The following VPS13A variants were observed in gnomAD, a reference collection of about 807,000 sequenced individuals.
VPS13A encodes intermembrane lipid transfer protein VPS13A.
In VPS13A, 264 loss-of-function variants were observed where a neutral mutation model predicts 390.9. The observed-to-expected ratio is 0.68, with a 90% CI of 0.61 to 0.75. VPS13A has a LOEUF of 0.75. Ranked by LOEUF, VPS13A falls within the 30% of genes least tolerant of loss-of-function variation. The pLI is 0.00. For missense variants in VPS13A, 3,409 were observed against 3,733.9 expected, an observed-to-expected ratio of 0.91 and a Z score of 2.27; for synonymous variants, 1,231 against 1,227.1, an observed-to-expected ratio of 1.00 and a Z score of -0.07.
chr9:77,392,095 T>A (rs1370369284), intron 68 of VPS13A, among the ~76,000 whole-genome samples: 1 of 152,232 alleles, frequency 6.6e-6, no homozygotes, highest in Non-Finnish European at 1.5e-5. Flanking sequence ...CTCTCATTCC[T>A]GTTTGTTGTT....
chr9:77,344,726 T>A lies in VPS13A; in HGVS notation c.7156-283T>A, dbSNP rs567557419. On this transcript the variant is annotated intron_variant, in intron 51 of 71. Coordinates refer to ENST00000360280, the MANE Select transcript of VPS13A (RefSeq NM_033305.3). ...GTGAGCCGAGATCGCGCCACTGCAC[T>A]CCAGCCTAGGCGACAGAGCAAGACT... is the stretch of plus-strand genomic sequence containing the variant. Among the ~76,000 whole-genome samples, 12 of 150,662 alleles carry A rather than the reference T, an allele frequency of 8.0e-5. No individual in the cohort carries two copies. In the East Asian group the frequency reaches 2.3e-3, roughly 29 times the overall value.
intron 52 of VPS13A, 72 bp downstream of exon 52, chr9:77,345,214 A>C (rs1831083871): frequency 2.0e-6 from 3 of 1,503,578 alleles, no homozygotes; most frequent in Non-Finnish European, 2.8e-6. Context: ...TTTTTTGATA[A>C]TTTCTTAAGA....
chr9:77,321,028 G>T (rs1303184584), intron 42 of VPS13A, 141 bp from the exon 43 acceptor site: 2 of 742,526 alleles, frequency 2.7e-6, no homozygotes, highest in East Asian at 5.5e-5. Flanking sequence ...TGATGTCCAA[G>T]TAATTTCAAT....
chr9:77,387,463 C>G (rs948051996), intron 68 of VPS13A, among the ~76,000 whole-genome samples: 8 of 152,188 alleles, frequency 5.3e-5, no homozygotes, highest in Non-Finnish European at 8.8e-5. Flanking sequence ...AAGGAAGGTT[C>G]ACTTCCCTGA....
chr9:77,307,420 C>G (rs1828820243), intron 34 of VPS13A, among the ~76,000 whole-genome samples: 1 of 152,138 alleles, frequency 6.6e-6, no homozygotes, highest in Non-Finnish European at 1.5e-5. Context: ...CACTGCATGC[C>G]AGCCTGGGTG....
intron 33 of VPS13A, among the ~76,000 whole-genome samples, chr9:77,296,700 A>T (rs1367526344): frequency 2.0e-5 from 3 of 152,148 alleles, no homozygotes; most frequent in Admixed American, 6.5e-5. Context: ...ATAAGTTTTG[A>T]TATGCATACA....
intron 63 of VPS13A, among the ~76,000 whole-genome samples, chr9:77,369,908 T>G (rs573877376): frequency 1.3e-5 from 2 of 152,206 alleles, no homozygotes; most frequent in Non-Finnish European, 2.9e-5. Flanking sequence ...GCATTAAGAA[T>G]TTTAAAGTGT....
At chr9:77,376,271 C>T (rs1364001258) in intron 67 of VPS13A, among the ~76,000 whole-genome samples, 1 of 152,154 alleles carries the variant, frequency 6.6e-6, no homozygotes, top group East Asian at 1.9e-4. Context: ...CGGGGAATCA[C>T]ATCTCGTAGA....
Position 77,226,389 on chromosome 9 carries a change from G to A in VPS13A, c.1225-77G>A, listed in dbSNP as rs142493952. ...TTTTGCTCAAGAGGATAAGTTCTCAGAATGTCTTGCTTATATTTGTTTCAG... is the reference window on the plus strand; with the variant it reads ...TTTTGCTCAAGAGGATAAGTTCTCAAAATGTCTTGCTTATATTTGTTTCAG... On this transcript the variant is annotated intron_variant, in intron 14 of 71. Coordinates refer to ENST00000360280, the MANE Select transcript of VPS13A (RefSeq NM_033305.3). The A allele has an allele frequency of 1.2e-4, 167 of 1,361,572 alleles. No homozygotes were observed. In the African/African-American group the frequency reaches 1.8e-3, roughly 15 times the overall value. The allele number at this position is 1,361,572 out of a possible 1,614,324, so 84.3% of individuals were successfully genotyped here.
intron 68 of VPS13A, among the ~76,000 whole-genome samples, chr9:77,392,592 A>C (rs540121207): frequency 6.6e-6 from 1 of 152,152 alleles, no homozygotes; most frequent in African/African-American, 2.4e-5. Flanking sequence ...GTTCAGTTCC[A>C]GACCACCAGA....
chr9:77,280,243 G>A lies in VPS13A; in HGVS notation c.2904+5G>A, dbSNP rs1166602586. On this transcript the variant is annotated splice_donor_5th_base_variant and intron_variant, in intron 27 of 71. Transcript: ENST00000360280. ...TTAACGCTGGAATATGTAAAGGTAAGCAGTTTCATTTATATCTGCTTAATA... is the reference window on the plus strand; with the variant it reads ...TTAACGCTGGAATATGTAAAGGTAAACAGTTTCATTTATATCTGCTTAATA... 3 of 1,609,188 alleles carry A rather than the reference G, an allele frequency of 1.9e-6. No homozygotes were observed. The highest frequency in any genetic ancestry group is 1.7e-6 in the Non-Finnish European group (2 of 1,176,206).
In VPS13A at chr9:77,238,110, A is replaced by G. The variant is rs541499452; in HGVS notation, c.1704A>G (p.Thr568=). The G allele has an allele frequency of 5.6e-6, 9 of 1,613,660 alleles. No individual in the cohort carries two copies. In the Admixed American group the frequency reaches 6.7e-5, roughly 12 times the overall value. ...ATGCAATGTCACTTTTCCAAATTAC[A>G]TTTGAGATAAATCCATTAGATGAAA... ...LDDAMSLFQI[T]FEINPLDETV... The change falls in exon 18 of 72, where the codon ACA becomes ACG. Residue 568 remains threonine, a synonymous_variant. Coordinates refer to ENST00000360280, the MANE Select transcript of VPS13A (RefSeq NM_033305.3).
intron 1 of VPS13A, among the ~76,000 whole-genome samples, chr9:77,198,591 A>G (rs549336492): frequency 6.6e-6 from 1 of 152,146 alleles, no homozygotes; most frequent in Admixed American, 6.5e-5. Context: ...CTTTTGACCT[A>G]TGAGTGTCCT....
intron 45 of VPS13A, among the ~76,000 whole-genome samples, chr9:77,330,128 A>G (rs1587596934): frequency 6.6e-6 from 1 of 151,794 alleles, no homozygotes; most frequent in Admixed American, 6.6e-5. Flanking sequence ...TAATCCTCTC[A>G]CCTCAGCCTC....
At chr9:77,191,215 G>GTCCCAGAGATTCTGGTACATTA (rs1824663823) in intron 1 of VPS13A, among the ~76,000 whole-genome samples, 1 of 151,154 alleles carries the variant, frequency 6.6e-6, no homozygotes, top group South Asian at 2.1e-4. Context: ...CATTAGCTAT[G>GTCCCAGAGATTCTGGTACATTA]TCCCAGAGAT....
At chr9:77,326,025 C>G (rs1383425345) in intron 45 of VPS13A, among the ~76,000 whole-genome samples, 1 of 152,230 alleles carries the variant, frequency 6.6e-6, no homozygotes, top group East Asian at 1.9e-4. Flanking sequence ...TTTCACTGGG[C>G]ATAGAAATCT....
At chr9:77,409,166 G>A (rs1160080931) in intron 71 of VPS13A, among the ~76,000 whole-genome samples, 4 of 152,352 alleles carry the variant, frequency 2.6e-5, no homozygotes, top group Non-Finnish European at 4.4e-5. Flanking sequence ...AGCCTCCGCT[G>A]CTGATACCCA....
At position 77,370,926 on chromosome 9, in the gene VPS13A, C is replaced by T. The variant is rs1478089696; in HGVS notation, c.8944C>T (p.Pro2982Ser). 6.2e-7 allele frequency: 1 copy of T among 1,613,868 alleles called. No homozygotes were observed. The highest frequency in any genetic ancestry group is 8.5e-7 in the Non-Finnish European group (1 of 1,179,978). ...VSGITGIVTKPIKGAQKGGAA... is the reference protein window; with the variant it reads ...VSGITGIVTKSIKGAQKGGAA... ...TGGCATAACAGGAATTGTTACAAAA[C>T]CAATCAAAGGCAAGTATAGTAGTTC... Residue 2982 changes from proline (P) to serine (S), a missense_variant, in exon 66 of 72, where the codon CCA (proline) becomes TCA (serine). Around this residue, in one of 5 missense-constraint regions of VPS13A, gnomAD observed 318 missense variants for 333.7 expected, o/e 0.95. Transcript: ENST00000360280.
rs76395796 is a variant in VPS13A at position 77,220,396 on chromosome 9, A to T, written c.989+13A>T. 5 of 1,293,952 alleles carry T rather than the reference A, an allele frequency of 3.9e-6. No homozygotes were observed. The highest frequency in any genetic ancestry group is 1.6e-5 in the African/African-American group (1 of 64,492). 80.2% of individuals were successfully genotyped at this position (1,293,952 alleles called of 1,614,324 possible). ...ATGCCAGAGAATGGTAAATGCCTTG[A>T]TTTTTTTTTTTTTTTAGATTTTAAA... On this transcript the variant is annotated intron_variant, in intron 12 of 71. Transcript: ENST00000360280.
Sources: gnomAD v4.1 joint callset for allele counts (sites outside exome capture counted in the v4.1 genomes callset) on GRCh38, gnomAD v4.1.1 for gene constraint, gnomAD v4.1.1 regional missense constraint, MANE v1.5 for transcripts, NCBI Gene and HGNC (gene_info 2026-07-23, HGNC 2026-07-21) for gene names.